Variants in C1orf21 observed in about 807,000 individuals in gnomAD.
C1orf21 encodes the protein uncharacterized protein C1orf21.
A neutral mutation model predicts 18.7 loss-of-function variants in C1orf21; 3 were observed. The ratio of observed to expected loss-of-function variants is 0.16; its 90% confidence interval spans 0.07 to 0.42. The LOEUF is 0.42. Among genes scored for constraint, C1orf21 ranks in the 10% least tolerant of loss-of-function variants. C1orf21 has a pLI of 0.99. For missense variants in C1orf21, 104 were observed against 143.6 expected (o/e 0.72, Z 1.41); for synonymous variants, 41 against 46.4 (o/e 0.88, Z 0.47).
At chr1:184,435,197 A>T (rs1477745690) in intron 1 of C1orf21, among the ~76,000 whole-genome samples, 1 of 152,124 alleles carries the variant, frequency 6.6e-6, no homozygotes, top group Non-Finnish European at 1.5e-5. Flanking sequence ...AAGCTTAGTG[A>T]TTTTGAGGCA....
At position 184,619,841 on chromosome 1, in the gene C1orf21, G is replaced by T. The variant is rs1000435892; in HGVS notation, c.*285G>T. 10 of 309,076 alleles carry T rather than the reference G, an allele frequency of 3.2e-5. No individual in the cohort carries two copies. Among genetic ancestry groups the T allele is most frequent in the Non-Finnish European group, 5.8e-5 (10 of 170,972 alleles). 19.1% of individuals were successfully genotyped at this position (309,076 alleles called of 1,614,324 possible). A position where few individuals can be genotyped will look rare whatever the true frequency, so the allele number is the denominator to read the frequency against. On this transcript the variant is annotated 3_prime_UTR_variant, in exon 6 of 6. Transcript: ENST00000235307. The stretch of plus-strand genomic sequence containing the variant: ...GTGTCCAGGTATGCAGCAAAATTCT[G>T]CAATTTCACCTTAAAGATACTGTTG...
rs886681624 is a variant in C1orf21 at position 184,507,503 on chromosome 1, ATTAC to A, written c.95-84_95-81del. 4.3e-6 allele frequency: 5 copies of A among 1,167,384 alleles called. No homozygotes were observed. In the African/African-American group the frequency reaches 7.9e-5, roughly 18 times the overall value. 72.3% of individuals were successfully genotyped at this position (1,167,384 alleles called of 1,614,324 possible). A position where few individuals can be genotyped will look rare whatever the true frequency, so the allele number is the denominator to read the frequency against. ...GGCCACAGGTGAAAGGGTCTAGCAA[ATTAC>A]ACTATTGGGATTTTCTGACTGACAC... is the stretch of plus-strand genomic sequence containing the variant. On this transcript the variant is annotated intron_variant, in intron 2 of 5. Transcript: ENST00000235307.
At chr1:184,401,412 G>A (rs1318708809) in intron 1 of C1orf21, among the ~76,000 whole-genome samples, 1 of 152,092 alleles carries the variant, frequency 6.6e-6, no homozygotes, top group Admixed American at 6.5e-5. Flanking sequence ...GTAAAGACGG[G>A]GTTTCGCCAC....
chr1:184,607,509 G>A (rs57978136), intron 5 of C1orf21, among the ~76,000 whole-genome samples: 11,257 of 151,998 alleles, frequency 0.074, 497 homozygotes, highest in Non-Finnish European at 0.087. Context: ...AGAAAACTAA[G>A]TATCCACCCA....
chr1:184,397,452 G>A (rs1476921134), intron 1 of C1orf21, among the ~76,000 whole-genome samples: 1 of 152,254 alleles, frequency 6.6e-6, no homozygotes, highest in East Asian at 1.9e-4. Flanking sequence ...CAGGTGTGGT[G>A]GCGGGCGCCT....
chr1:184,537,606 A>C (rs1658577838), intron 3 of C1orf21, among the ~76,000 whole-genome samples: 1 of 152,154 alleles, frequency 6.6e-6, no homozygotes, highest in Non-Finnish European at 1.5e-5. Flanking sequence ...TGCTTTGAAC[A>C]TGGGTGTACA....
intron 3 of C1orf21, among the ~76,000 whole-genome samples, chr1:184,586,629 ATTTG>A (rs748657621): frequency 1.5e-4 from 23 of 152,014 alleles, no homozygotes; most frequent in Admixed American, 3.3e-4. Flanking sequence ...TTTCTTGTAA[ATTTG>A]TTTAAGTTCC....
chr1:184,448,610 TG>T (rs1657069290), intron 1 of C1orf21, among the ~76,000 whole-genome samples: 1 of 152,196 alleles, frequency 6.6e-6, no homozygotes, highest in African/African-American at 2.4e-5. Flanking sequence ...TTTTACCATG[TG>T]GTGGTGGACT....
intron 4 of C1orf21, among the ~76,000 whole-genome samples, chr1:184,595,590 G>T (rs1659501017): frequency 6.6e-6 from 1 of 152,180 alleles, no homozygotes; most frequent in Non-Finnish European, 1.5e-5. Flanking sequence ...CCATTGAAGA[G>T]ATTTCTCTTC....
rs1392674735 is a variant in C1orf21 at position 184,628,556 on chromosome 1, C to G, written c.*9000C>G. 3 of 152,442 alleles carry G rather than the reference C, an allele frequency of 2.0e-5. No individual in the cohort carries two copies. The highest frequency in any genetic ancestry group is 4.4e-5 in the Non-Finnish European group (3 of 68,024). 9.4% of individuals were successfully genotyped at this position (152,442 alleles called of 1,614,324 possible). A position where few individuals can be genotyped will look rare whatever the true frequency, so the allele number is the denominator to read the frequency against. On this transcript the variant is annotated 3_prime_UTR_variant, in exon 6 of 6. Coordinates refer to ENST00000235307, the MANE Select transcript of C1orf21 (RefSeq NM_030806.4). Reference sequence around the variant, plus strand: ...AATAAGAAAGTCCTAAGGCAGAATCCCCAGGAACTTCAAATCTGGGAGATG... The same window carrying G: ...AATAAGAAAGTCCTAAGGCAGAATCGCCAGGAACTTCAAATCTGGGAGATG...
At chr1:184,439,750 A>G (rs934344228) in intron 1 of C1orf21, among the ~76,000 whole-genome samples, 3 of 152,190 alleles carry the variant, frequency 2.0e-5, no homozygotes, top group Non-Finnish European at 4.4e-5. Flanking sequence ...CAGGAGTTCA[A>G]GACCACCCTG....
At chr1:184,566,788 G>A (rs573478155) in intron 3 of C1orf21, 18 of 439,906 alleles carry the variant, frequency 4.1e-5, no homozygotes, top group African/African-American at 6.1e-5. Flanking sequence ...CTGCTCTGGA[G>A]GCTGAGCTAT....
chr1:184,505,392 A>G (rs1230211458), intron 2 of C1orf21, among the ~76,000 whole-genome samples: 1 of 148,222 alleles, frequency 6.7e-6, no homozygotes, highest in Non-Finnish European at 1.5e-5. Context: ...ATATATATTT[A>G]TATCAGTGTT....
chr1:184,481,013 C>T (rs1299830975), intron 2 of C1orf21, among the ~76,000 whole-genome samples: 1 of 152,098 alleles, frequency 6.6e-6, no homozygotes, highest in African/African-American at 2.4e-5. Flanking sequence ...GAGAGAGTTT[C>T]TGCCCTGGAG....
intron 3 of C1orf21, among the ~76,000 whole-genome samples, chr1:184,555,710 A>T (rs1658868757): frequency 6.6e-6 from 1 of 151,672 alleles, no homozygotes; most frequent in South Asian, 2.1e-4. Flanking sequence ...GGGGAGGAGG[A>T]CTGGAGGTGG....
chr1:184,457,065 T>C (rs752751732), intron 1 of C1orf21, among the ~76,000 whole-genome samples: 10 of 152,200 alleles, frequency 6.6e-5, no homozygotes, highest in Non-Finnish European at 1.5e-4. Flanking sequence ...TCTTGCCCTA[T>C]AATTATGATA....
At chr1:184,613,581 G>A (rs1014761906) in intron 5 of C1orf21, among the ~76,000 whole-genome samples, 1 of 152,110 alleles carries the variant, frequency 6.6e-6, no homozygotes, top group Non-Finnish European at 1.5e-5. Context: ...GCAAAACGTT[G>A]ATGGTTTTCT....
chr1:184,561,611 GTTGT>G lies in C1orf21; in HGVS notation c.190-29109_190-29106del, dbSNP rs369383431. 2.1e-3 allele frequency among the ~76,000 whole-genome samples: 320 copies of G among 152,092 alleles called. 1 individual carries two copies. Among genetic ancestry groups the G allele is most frequent in the African/African-American group, 7.6e-3 (316 of 41,510 alleles). On this transcript the variant is annotated intron_variant, in intron 3 of 5. Coordinates refer to ENST00000235307, the MANE Select transcript of C1orf21 (RefSeq NM_030806.4). ...TTTGTTGAACAGGTATGTTTCTAGG[GTTGT>G]TTGTTTGTTTGTTTGTTTTGAGTCA...
intron 1 of C1orf21, among the ~76,000 whole-genome samples, chr1:184,405,087 A>C (rs1313657675): frequency 6.6e-6 from 1 of 152,180 alleles, no homozygotes; most frequent in African/African-American, 2.4e-5. Context: ...TTAATTCTTC[A>C]GAGATTACCT....
Sources: gnomAD v4.1 joint callset for allele counts (sites outside exome capture counted in the v4.1 genomes callset) on GRCh38, gnomAD v4.1.1 for gene constraint, MANE v1.5 for transcripts, NCBI Gene and HGNC (gene_info 2026-07-23, HGNC 2026-07-21) for gene names.